SPG11: variants seen among roughly 807,000 people sequenced by gnomAD.
SPG11 encodes SPG11 vesicle trafficking associated, spatacsin.
In SPG11, 222 loss-of-function variants were observed where a neutral mutation model predicts 274.0. That is an observed-to-expected ratio of 0.81 (90% CI 0.73 to 0.91). The LOEUF (loss-of-function observed/expected upper bound fraction) is 0.91. SPG11 is among the 40% of genes least tolerant of loss of function. The probability of loss-of-function intolerance (pLI) is 0.00; values close to 1 mark genes in which losing one functional copy is unlikely to be tolerated. For missense variants in SPG11, 3,114 were observed against 2,872.7 expected (o/e 1.08, Z -1.92); for synonymous variants, 1,144 against 1,039.7 (o/e 1.10, Z -1.93).
At chr15:44,608,846 A>G (rs932931540) in intron 18 of SPG11, among the ~76,000 whole-genome samples, 3 of 152,154 alleles carry the variant, frequency 2.0e-5, no homozygotes, top group Non-Finnish European at 2.9e-5. Context: ...AAAATTAGGA[A>G]GTTCAGCTAG....
intron 23 of SPG11, 134 bp from the exon 24 acceptor site, chr15:44,597,077 A>G (rs2083062864): frequency 1.2e-6 from 1 of 800,960 alleles, no homozygotes. Flanking sequence ...CAAATACTAA[A>G]TATTTATTAG....
intron 20 of SPG11, among the ~76,000 whole-genome samples, chr15:44,602,993 A>G (rs2083234619): frequency 6.6e-6 from 1 of 152,012 alleles, no homozygotes; most frequent in Admixed American, 6.6e-5. Context: ...CCCTTTTAAC[A>G]TATTTATATG....
Position 44,566,235 on chromosome 15 carries a change from T to C in SPG11, c.6825A>G (p.Ala2275=). The change falls in exon 37 of 40, where the codon GCA becomes GCG. Residue 2275 remains alanine (A), a synonymous_variant. Coordinates refer to ENST00000261866, the MANE Select transcript of SPG11 (RefSeq NM_025137.4). ...GGGTTACCTTGGCATAACTCTCTGC[T>C]GCATCCAACATCAGAGTCAGGGCCT... The part of the protein sequence containing the change: ...LLKALTLMLD[A]AESYAKDSCV... The C allele has an allele frequency of 6.2e-7, 1 of 1,614,238 alleles. No individual in the cohort carries two copies. The highest frequency in any genetic ancestry group is 8.5e-7 in the Non-Finnish European group (1 of 1,180,026).
At chr15:44,646,775 C>G (rs1278306341) in intron 7 of SPG11, among the ~76,000 whole-genome samples, 2 of 152,060 alleles carry the variant, frequency 1.3e-5, no homozygotes. Context: ...GAGCTAAACA[C>G]AGTACACATG....
Position 44,598,061 on chromosome 15 carries a change from A to G in SPG11, c.4001+204T>C, listed in dbSNP as rs138742955. On this transcript the variant is annotated intron_variant, in intron 23 of 39. Coordinates refer to ENST00000261866, the MANE Select transcript of SPG11 (RefSeq NM_025137.4). ...GTCCATCTCTAAAGAGAGAATTGCT[A>G]TCTTCACCCTCTTTTCACTGATGGC... is the stretch of plus-strand genomic sequence containing the variant. Among the ~76,000 whole-genome samples the G allele has an allele frequency of 5.9e-5, 9 of 152,212 alleles. No individual in the cohort carries two copies. The East Asian group carries it at 7.7e-4, about 13-fold the overall frequency.
chr15:44,638,291 T>G (rs1294428050), intron 7 of SPG11, among the ~76,000 whole-genome samples: 1 of 151,930 alleles, frequency 6.6e-6, no homozygotes, highest in East Asian at 1.9e-4. Flanking sequence ...GTGAAATGCC[T>G]CTACTAAAAA....
At chr15:44,607,565 G>A (rs369865820) in intron 19 of SPG11, among the ~76,000 whole-genome samples, 1 of 152,106 alleles carries the variant, frequency 6.6e-6, no homozygotes, top group Non-Finnish European at 1.5e-5. Context: ...CACTGCACCC[G>A]GCTCCTTTAT....
Position 44,663,622 on chromosome 15 carries a change from C to T in SPG11, c.26G>A (p.Ser9Asn), listed in dbSNP as rs1416400078. The change falls in exon 1 of 40, where the codon AGT (serine) becomes AAT (asparagine). Residue 9 changes from serine (S) to asparagine (N), a missense_variant. Transcript: ENST00000261866. Reference protein sequence around the residue: MAAEEGVASAASAGGSWGT... With the variant: MAAEEGVANAASAGGSWGT... ...CCAGCTACCGCCGGCGGAAGCAGCA[C>T]TCGCGACCCCTTCCTCTGCAGCCAT... 6.3e-7 allele frequency: 1 copy of T among 1,595,928 alleles called. No individual in the cohort carries two copies. The highest frequency in any genetic ancestry group is 1.3e-5 in the African/African-American group (1 of 74,850).
intron 7 of SPG11, among the ~76,000 whole-genome samples, chr15:44,643,569 A>C (rs2084518239): frequency 6.6e-6 from 1 of 152,186 alleles, no homozygotes; most frequent in African/African-American, 2.4e-5. Flanking sequence ...GTAAGAGCTA[A>C]AACTATAAAA....
At position 44,598,306 on chromosome 15, in the gene SPG11, T is replaced by C. The variant is rs1246426841; in HGVS notation, c.3960A>G (p.Glu1320=). The C allele has an allele frequency of 1.5e-5, 24 of 1,614,112 alleles. No individual in the cohort carries two copies. The highest frequency in any genetic ancestry group is 2.2e-5 in the South Asian group (2 of 91,080). Reference sequence around the variant, plus strand: ...GCTGAATGCTGTTCCATGTACCTTCTTCTAAGAGAACAAGCAATTCTTCTG... The same window carrying C: ...GCTGAATGCTGTTCCATGTACCTTCCTCTAAGAGAACAAGCAATTCTTCTG... ...TTTEELLVLL[E]EGTWNSIQQQ... Residue 1320 remains glutamate, a synonymous_variant, in exon 23 of 40, where the codon GAA becomes GAG. Transcript: ENST00000261866.
intron 7 of SPG11, among the ~76,000 whole-genome samples, chr15:44,641,842 T>C (rs2084452927): frequency 6.7e-6 from 1 of 149,976 alleles, no homozygotes; most frequent in Non-Finnish European, 1.5e-5. Flanking sequence ...GATCAAGCAA[T>C]TCTGCTTTCA....
At chr15:44,657,390 C>T (rs1190593468) in intron 3 of SPG11, 94 bp from the exon 4 acceptor site, 5 of 1,163,186 alleles carry the variant, frequency 4.3e-6, no homozygotes, top group Non-Finnish European at 6.3e-6. Flanking sequence ...TTTATCACTC[C>T]AATTTTGTAG....
chr15:44,594,178 G>A (rs1651519800), intron 26 of SPG11, among the ~76,000 whole-genome samples: 1 of 151,738 alleles, frequency 6.6e-6, no homozygotes, highest in South Asian at 2.1e-4. Context: ...GTAAATCCCA[G>A]CGCTTTGGGA....
In SPG11 at chr15:44,573,686, T is replaced by C; in HGVS notation, c.6066A>G (p.Lys2022=). The change falls in exon 32 of 40, where the codon AAA becomes AAG. Residue 2022 remains lysine (K), a synonymous_variant. Coordinates refer to ENST00000261866, the MANE Select transcript of SPG11 (RefSeq NM_025137.4). ...GGTCAGGCTGCTGAGAGGCCAAGAT[T>C]TTCCGGAGCATGGCTTCACCATCCT... The part of the protein sequence containing the change: ...AAQDGEAMLR[K]ILASQQPDRC... 1 of 1,614,168 alleles carries C rather than the reference T, an allele frequency of 6.2e-7. No individual in the cohort carries two copies. Among genetic ancestry groups the C allele is most frequent in the Non-Finnish European group, 8.5e-7 (1 of 1,180,026 alleles).
chr15:44,604,208 A>C (rs1173316303), intron 20 of SPG11: 3 of 424,530 alleles, frequency 7.1e-6, no homozygotes, highest in African/African-American at 6.3e-5. Context: ...CTAAAAAAAA[A>C]AAAAAGGCTT....
At chr15:44,605,954 G>C (rs2083306624) in intron 20 of SPG11, 71 bp downstream of exon 20, 1 of 1,246,450 alleles carries the variant, frequency 8.0e-7, no homozygotes, top group Non-Finnish European at 1.2e-6. Flanking sequence ...AACTAGATTG[G>C]CATTACATGT....
chr15:44,589,527 T>A, intron 27 of SPG11, 113 bp from the exon 28 acceptor site: 2 of 1,255,578 alleles, frequency 1.6e-6, no homozygotes, highest in Non-Finnish European at 2.3e-6. Flanking sequence ...AGCCATCGCC[T>A]GTCATGAGGC....
intron 3 of SPG11, 93 bp downstream of exon 3, chr15:44,658,986 T>C: frequency 2.5e-6 from 3 of 1,207,866 alleles, no homozygotes; most frequent in South Asian, 2.5e-5. Context: ...ACTTCCTATA[T>C]CCCAGCTCCC....
chr15:44,634,827 G>C (rs543512774), intron 7 of SPG11, among the ~76,000 whole-genome samples: 1 of 151,670 alleles, frequency 6.6e-6, no homozygotes, highest in Non-Finnish European at 1.5e-5. Flanking sequence ...GGATCCTCCC[G>C]CCTAGGCCTC....
Sources: gnomAD v4.1 joint callset for allele counts (sites outside exome capture counted in the v4.1 genomes callset) on GRCh38, gnomAD v4.1.1 for gene constraint, MANE v1.5 for transcripts, NCBI Gene and HGNC (gene_info 2026-07-23, HGNC 2026-07-21) for gene names.